SIPA1L3: variants seen among roughly 807,000 people sequenced by gnomAD.
The protein encoded by SIPA1L3 is signal-induced proliferation-associated 1-like protein 3.
A neutral mutation model predicts 150.1 loss-of-function variants in SIPA1L3; 59 were observed. The ratio of observed to expected loss-of-function variants is 0.39; its 90% confidence interval spans 0.32 to 0.49. The LOEUF is 0.49. Among genes scored for constraint, SIPA1L3 ranks in the 20% least tolerant of loss-of-function variants. The pLI, the probability that SIPA1L3 is intolerant of heterozygous loss-of-function variation, is 0.86. For synonymous variants in SIPA1L3, 1,070 were observed against 1,077.6 expected (o/e 0.99, Z 0.14); for missense variants, 2,211 against 2,489.5 (o/e 0.89, Z 2.38).
rs1467868423 is a variant in SIPA1L3 at position 38,120,292 on chromosome 19, T to C, written c.2868+410T>C. 3.2e-5 allele frequency among the ~76,000 whole-genome samples: 4 copies of C among 126,214 alleles called. No homozygotes were observed. In the East Asian group the frequency reaches 1.0e-3, roughly 32 times the overall value. 82.8% of individuals were successfully genotyped at this position (126,214 alleles called of 152,430 possible). On this transcript the variant is annotated intron_variant, in intron 9 of 21. Coordinates refer to ENST00000222345, the MANE Select transcript of SIPA1L3 (RefSeq NM_015073.3). ...AACCTGGGTAACCATAGTGAGACTC[T>C]GCCTACAAAAAAAAAAAAAAGAAAA... is the stretch of plus-strand genomic sequence containing the variant.
intron 9 of SIPA1L3, among the ~76,000 whole-genome samples, chr19:38,126,163 A>C (rs1971166793): frequency 6.6e-6 from 1 of 152,118 alleles, no homozygotes; most frequent in African/African-American, 2.4e-5. Context: ...GCCTGGTGAC[A>C]GAGTGAGGCT....
At chr19:38,067,300 C>T (rs1339768437) in intron 2 of SIPA1L3, among the ~76,000 whole-genome samples, 1 of 152,176 alleles carries the variant, frequency 6.6e-6, no homozygotes, top group African/African-American at 2.4e-5. Context: ...ACTGATTTAA[C>T]ACCCTTAAAA....
At chr19:37,947,401 A>T (rs2145543072) in intron 1 of SIPA1L3, among the ~76,000 whole-genome samples, 1 of 150,974 alleles carries the variant, frequency 6.6e-6, no homozygotes, top group Admixed American at 6.6e-5. Flanking sequence ...AGACAGGAGA[A>T]TTGCTTGAAC....
At chr19:38,186,536 T>C (rs1367112588) in intron 16 of SIPA1L3, among the ~76,000 whole-genome samples, 3 of 151,312 alleles carry the variant, frequency 2.0e-5, no homozygotes, top group Non-Finnish European at 4.4e-5. Context: ...GTATTTTTAA[T>C]AGAGACGGGG....
intron 20 of SIPA1L3, among the ~76,000 whole-genome samples, chr19:38,203,409 A>C (rs1973132953): frequency 6.6e-6 from 1 of 152,174 alleles, no homozygotes. Context: ...CTGTGCACGC[A>C]CGGCATCCAG....
chr19:38,150,854 T>C (rs956911992), intron 12 of SIPA1L3, among the ~76,000 whole-genome samples: 1 of 152,168 alleles, frequency 6.6e-6, no homozygotes, highest in Non-Finnish European at 1.5e-5. Flanking sequence ...ATCAACATTA[T>C]TAATGGAGGC....
chr19:37,976,143 T>C (rs1260591360), intron 1 of SIPA1L3, among the ~76,000 whole-genome samples: 1 of 146,074 alleles, frequency 6.8e-6, no homozygotes, highest in Admixed American at 6.8e-5. Flanking sequence ...GGGGAGTTGG[T>C]CTCACAATGA....
rs1491193733 is a variant in SIPA1L3, at chr19:38,007,465, AAG to A, written c.-378-21622_-378-21621del. Among the ~76,000 whole-genome samples, 375 of 142,510 alleles carry A rather than the reference AAG, an allele frequency of 2.6e-3. 8 individuals carry two copies. Among genetic ancestry groups the A allele is most frequent in the African/African-American group, 6.6e-3 (251 of 38,124 alleles). The allele number at this position is 142,510 out of a possible 152,430, so 93.5% of individuals were successfully genotyped here. A position where few individuals can be genotyped will look rare whatever the true frequency, so the allele number is the denominator to read the frequency against. On this transcript the variant is annotated intron_variant, in intron 1 of 21. Transcript: ENST00000222345. Reference sequence around the variant, plus strand: ...AAACTCTGTCTCAAAAAAAAAAAAAAAGAAAGAAAAGAAAAAAACAAATATTG... The same window carrying A: ...AAACTCTGTCTCAAAAAAAAAAAAAAAAAGAAAAGAAAAAAACAAATATTG...
intron 1 of SIPA1L3, among the ~76,000 whole-genome samples, chr19:38,023,638 C>T (rs1456009345): frequency 6.6e-6 from 1 of 152,180 alleles, no homozygotes; most frequent in East Asian, 1.9e-4. Flanking sequence ...TGAGTAATCC[C>T]TGATGCCACA....
chr19:38,188,294 C>T (rs1210972602), intron 16 of SIPA1L3, among the ~76,000 whole-genome samples: 2 of 151,656 alleles, frequency 1.3e-5, no homozygotes, highest in Admixed American at 6.6e-5. Flanking sequence ...AAGTGATTCT[C>T]GTGCCTCAGC....
intron 2 of SIPA1L3, among the ~76,000 whole-genome samples, chr19:38,041,147 C>T: frequency 6.8e-6 from 1 of 147,004 alleles, no homozygotes; most frequent in Non-Finnish European, 1.5e-5. Context: ...CACTCTGTCA[C>T]CCAGGCTAGA....
intron 12 of SIPA1L3, among the ~76,000 whole-genome samples, chr19:38,144,624 C>T (rs1479710015): frequency 6.6e-6 from 1 of 152,250 alleles, no homozygotes; most frequent in Non-Finnish European, 1.5e-5. Flanking sequence ...ATTGGAGAAA[C>T]ACGCCCACTG....
rs574384104 is a variant in SIPA1L3 at position 38,005,975 on chromosome 19, G to A, written c.-378-23114G>A. Among the ~76,000 whole-genome samples the A allele has an allele frequency of 1.1e-4, 16 of 152,326 alleles. No homozygotes were observed. In the East Asian group the frequency reaches 2.9e-3, roughly 28 times the overall value. Reference sequence around the variant, plus strand: ...AGGGGGGAAGATTGCTTAAGCCCCCGAGGTTGAGCTATGATCCCACCACTG... The same window carrying A: ...AGGGGGGAAGATTGCTTAAGCCCCCAAGGTTGAGCTATGATCCCACCACTG... On this transcript the variant is annotated intron_variant, in intron 1 of 21. Transcript: ENST00000222345.
At chr19:38,126,251 G>C (rs1971170184) in intron 9 of SIPA1L3, among the ~76,000 whole-genome samples, 1 of 152,030 alleles carries the variant, frequency 6.6e-6, no homozygotes, top group Admixed American at 6.6e-5. Flanking sequence ...AGCTTAAAAG[G>C]GGGGTGTGGA....
chr19:38,076,249 T>G (rs1032876048), intron 2 of SIPA1L3, among the ~76,000 whole-genome samples: 1 of 152,210 alleles, frequency 6.6e-6, no homozygotes, highest in Admixed American at 6.5e-5. Context: ...TTTTCTATTT[T>G]ATCATTTGCT....
intron 1 of SIPA1L3, among the ~76,000 whole-genome samples, chr19:38,022,478 T>C (rs1968396222): frequency 6.7e-6 from 1 of 149,498 alleles, no homozygotes; most frequent in South Asian, 2.1e-4. Context: ...GGCAGGCAGA[T>C]CACGAAGTCA....
At chr19:38,186,724 C>A (rs112639226) in intron 16 of SIPA1L3, among the ~76,000 whole-genome samples, 24,882 of 150,536 alleles carry the variant, frequency 0.17, 2,406 homozygotes, top group African/African-American at 0.27. Context: ...GGCGCGGTGG[C>A]TCATGCCTGT....
At chr19:38,204,622 G>A (rs78558945) in intron 21 of SIPA1L3, among the ~76,000 whole-genome samples, 5,361 of 152,176 alleles carry the variant, frequency 0.035, 142 homozygotes, top group East Asian at 0.067. Flanking sequence ...ATAATTAGTC[G>A]GGTGTGGTGG....
At chr19:38,179,373 C>T (rs545252991) in intron 15 of SIPA1L3, among the ~76,000 whole-genome samples, 5 of 152,280 alleles carry the variant, frequency 3.3e-5, no homozygotes, top group East Asian at 3.9e-4. Context: ...GCCAGGGAGG[C>T]GGAGGTTGCA....
Sources: gnomAD v4.1 joint callset for allele counts (sites outside exome capture counted in the v4.1 genomes callset) on GRCh38, gnomAD v4.1.1 for gene constraint, MANE v1.5 for transcripts, NCBI Gene and HGNC (gene_info 2026-07-23, HGNC 2026-07-21) for gene names.